Variants in SCOC observed in about 807,000 individuals in gnomAD.
SCOC encodes short coiled-coil protein.
In SCOC, 7 loss-of-function variants were observed where a neutral mutation model predicts 9.9. That is an observed-to-expected ratio of 0.71 (90% confidence interval 0.40 to 1.33). The LOEUF (loss-of-function observed/expected upper bound fraction) is 1.33. SCOC is among the 40% of genes most tolerant of loss of function. The pLI is 0.01. For missense variants in SCOC, 66 were observed against 89.7 expected (o/e 0.74, Z 1.07); for synonymous variants, 19 against 28.2 (o/e 0.67, Z 1.03).
chr4:140,276,550 G>T (rs1400610977), intron 1 of SCOC, among the ~76,000 whole-genome samples: 1 of 152,050 alleles, frequency 6.6e-6, no homozygotes, highest in African/African-American at 2.4e-5. Flanking sequence ...TGCCTCGGGG[G>T]TTCAAGCAAT....
At chr4:140,272,945 A>G (rs1369889186) in intron 1 of SCOC, among the ~76,000 whole-genome samples, 3 of 152,214 alleles carry the variant, frequency 2.0e-5, no homozygotes, top group African/African-American at 7.2e-5. Context: ...GTGCCTTTCA[A>G]ATTCTCCGAA....
At chr4:140,350,282 T>C (rs1282169331) in intron 2 of SCOC, among the ~76,000 whole-genome samples, 1 of 152,156 alleles carries the variant, frequency 6.6e-6, no homozygotes, top group African/African-American at 2.4e-5. Context: ...GACTATTCAA[T>C]AGACTGCGAG....
chr4:140,366,202 C>A, intron 2 of SCOC: 2 of 709,528 alleles, frequency 2.8e-6, no homozygotes, highest in South Asian at 6.3e-5. Context: ...TTTTTTTTCC[C>A]AAATAGAACT....
At chr4:140,363,046 A>T (rs1056594348) in intron 2 of SCOC, among the ~76,000 whole-genome samples, 1 of 152,198 alleles carries the variant, frequency 6.6e-6, no homozygotes, top group Non-Finnish European at 1.5e-5. Context: ...GCTTGCTTCC[A>T]CTTGCCATAA....
intron 2 of SCOC, among the ~76,000 whole-genome samples, chr4:140,346,057 G>A (rs543430641): frequency 6.6e-6 from 1 of 152,156 alleles, no homozygotes. Context: ...TCTCCAGGAA[G>A]TGATAGAGCC....
At chr4:140,338,396 G>C (rs1417370222) in intron 1 of SCOC, among the ~76,000 whole-genome samples, 5 of 152,172 alleles carry the variant, frequency 3.3e-5, no homozygotes, top group Non-Finnish European at 7.3e-5. Context: ...CACAAGACAG[G>C]GATGCCCTCT....
At chr4:140,322,856 TA>T (rs1260752440) in intron 1 of SCOC, among the ~76,000 whole-genome samples, 24 of 152,230 alleles carry the variant, frequency 1.6e-4, no homozygotes, top group Non-Finnish European at 2.9e-5. Flanking sequence ...ATCCAGGTGC[TA>T]TTCATCAAGA....
chr4:140,374,410 C>T (rs1728239288), intron 1 of SCOC: 1 of 311,120 alleles, frequency 3.2e-6, no homozygotes, highest in African/African-American at 2.3e-5. Context: ...TTTCTATGCC[C>T]GAGGACCCAA....
At chr4:140,355,800 T>C (rs147277917) in intron 2 of SCOC, among the ~76,000 whole-genome samples, 2 of 152,300 alleles carry the variant, frequency 1.3e-5, no homozygotes, top group Non-Finnish European at 2.9e-5. Context: ...GTAATTTATA[T>C]ATATGGACTA....
intron 2 of SCOC, among the ~76,000 whole-genome samples, chr4:140,346,751 A>G (rs144742645): frequency 6.6e-6 from 1 of 152,296 alleles, no homozygotes; most frequent in African/African-American, 2.4e-5. Flanking sequence ...CCAAAGAAAC[A>G]TTACAAATGA....
At chr4:140,372,831 C>T (rs1011837656), upstream of SCOC, among the ~76,000 whole-genome samples, 1 of 152,098 alleles carries the variant, frequency 6.6e-6, no homozygotes, top group African/African-American at 2.4e-5. Context: ...AGCAGGATGC[C>T]GCTTTGTGTC....
chr4:140,346,634 T>C (rs1403761551), intron 2 of SCOC, among the ~76,000 whole-genome samples: 2 of 152,218 alleles, frequency 1.3e-5, no homozygotes, highest in Non-Finnish European at 2.9e-5. Flanking sequence ...TTCCTGGTAG[T>C]ATGGAGCAGT....
intron 1 of SCOC, among the ~76,000 whole-genome samples, chr4:140,307,439 C>T (rs1732026111): frequency 6.6e-6 from 1 of 152,132 alleles, no homozygotes; most frequent in South Asian, 2.1e-4. Flanking sequence ...TGTCTTGACC[C>T]AAGAATACAA....
chr4:140,363,106 C>T (rs1227081445), intron 2 of SCOC, among the ~76,000 whole-genome samples: 1 of 152,180 alleles, frequency 6.6e-6, no homozygotes, highest in South Asian at 2.1e-4. Context: ...TTATAACCCG[C>T]TGCATGTATA....
intron 1 of SCOC, among the ~76,000 whole-genome samples, chr4:140,269,685 T>C (rs1272080872): frequency 1.3e-5 from 2 of 152,198 alleles, no homozygotes; most frequent in African/African-American, 4.8e-5. Context: ...GGGTGATTTG[T>C]TATGCAGCAA....
At chr4:140,373,427 G>A, upstream of SCOC, 1 of 1,515,552 alleles carries the variant, frequency 6.6e-7, no homozygotes, top group Non-Finnish European at 8.9e-7. Context: ...GCTGTTCCAG[G>A]TCCCGCCCAC....
intron 2 of SCOC, among the ~76,000 whole-genome samples, chr4:140,345,367 G>T (rs943586708): frequency 6.6e-6 from 1 of 152,192 alleles, no homozygotes; most frequent in Non-Finnish European, 1.5e-5. Context: ...TCAGGAACTA[G>T]TATTAATTTC....
intron 2 of SCOC, among the ~76,000 whole-genome samples, chr4:140,346,258 A>C (rs558513317): frequency 2.0e-5 from 3 of 152,336 alleles, no homozygotes; most frequent in African/African-American, 7.2e-5. Context: ...TGTAAGGATT[A>C]TAGGCCCTAA....
At chr4:140,306,939 T>G (rs1056107460) in intron 1 of SCOC, among the ~76,000 whole-genome samples, 3 of 152,214 alleles carry the variant, frequency 2.0e-5, no homozygotes, top group Non-Finnish European at 4.4e-5. Flanking sequence ...GTGACTGCTG[T>G]GGTCTGAATG....
Sources: allele counts gnomAD v4.1 joint callset (sites outside exome capture counted in the v4.1 genomes callset), GRCh38; gene constraint gnomAD v4.1.1; transcripts MANE v1.5; gene names NCBI Gene and HGNC (gene_info 2026-07-23, HGNC 2026-07-21).